The following PDPK1 variants were observed in gnomAD, a reference collection of about 807,000 sequenced individuals.
PDPK1 encodes 3-phosphoinositide-dependent protein kinase 1.
PDPK1 carries 7 observed loss-of-function variants against 39.8 expected under a neutral mutation model. The observed-to-expected ratio is 0.18, with a 90% CI of 0.10 to 0.33. The LOEUF is 0.33. Among genes scored for constraint, PDPK1 ranks in the 10% least tolerant of loss-of-function variants. The pLI is 1.00. For missense variants in PDPK1, 182 were observed against 384.7 expected, an observed-to-expected ratio of 0.47 and a Z score of 4.41; for synonymous variants, 118 against 159.1, an observed-to-expected ratio of 0.74 and a Z score of 1.95.
In PDPK1 at chr16:2,600,043, C is replaced by T. The variant is rs938755040; in HGVS notation, c.*2276C>T. ...AGCCCTTCTGTGGGTCACCTTTCTCCTCACCCAGCCCCTTGCTCTTCCCTT... is the reference window on the plus strand; with the variant it reads ...AGCCCTTCTGTGGGTCACCTTTCTCTTCACCCAGCCCCTTGCTCTTCCCTT... On this transcript the variant is annotated 3_prime_UTR_variant, in exon 14 of 14. Coordinates refer to ENST00000342085, the MANE Select transcript of PDPK1 (RefSeq NM_002613.5). The T allele has an allele frequency of 1.5e-4, 36 of 233,166 alleles. No individual in the cohort carries two copies. Among genetic ancestry groups the T allele is most frequent in the Non-Finnish European group, 2.6e-4 (31 of 118,260 alleles). The allele number at this position is 233,166 out of a possible 1,614,324, so 14.4% of individuals were successfully genotyped here.
chr16:2,590,417 C>T (rs1278557816), intron 11 of PDPK1, among the ~76,000 whole-genome samples: 1 of 152,220 alleles, frequency 6.6e-6, no homozygotes, highest in African/African-American at 2.4e-5. Flanking sequence ...AAACCAGTCT[C>T]GCTTCTGAGC....
intron 1 of PDPK1, among the ~76,000 whole-genome samples, chr16:2,545,794 G>A (rs578088767): frequency 6.6e-6 from 1 of 152,252 alleles, no homozygotes; most frequent in African/African-American, 2.4e-5. Context: ...GCCCAGCACT[G>A]GCTAATTATA....
chr16:2,593,455 C>T lies in PDPK1; in HGVS notation c.1344-2338C>T. 2 of 245,466 alleles carry T rather than the reference C, an allele frequency of 8.1e-6. No individual in the cohort carries two copies. The highest frequency in any genetic ancestry group is 4.3e-5 in the South Asian group (1 of 23,216). The allele number at this position is 245,466 out of a possible 1,614,324, so 15.2% of individuals were successfully genotyped here. Reference sequence around the variant, plus strand: ...GCTCCCACAGCTCAGTGCTGGGCTGCTGTTCTCGCTCTCAGCCAGGAAGGC... The same window carrying T: ...GCTCCCACAGCTCAGTGCTGGGCTGTTGTTCTCGCTCTCAGCCAGGAAGGC... On this transcript the variant is annotated intron_variant, in intron 11 of 13. Transcript: ENST00000342085. The surrounding 1 kb of genome is among the most constrained non-coding windows in gnomAD (Gnocchi z 4.2).
At chr16:2,542,555 A>G (rs1334048673) in intron 1 of PDPK1, among the ~76,000 whole-genome samples, 1 of 152,182 alleles carries the variant, frequency 6.6e-6, no homozygotes, top group Non-Finnish European at 1.5e-5. Flanking sequence ...GACAAGCCTG[A>G]CATTAGCAGC....
At chr16:2,595,752 T>A in intron 11 of PDPK1, 41 bp from the exon 12 acceptor site, 1 of 1,513,744 alleles carries the variant, frequency 6.6e-7, no homozygotes, top group Non-Finnish European at 9.2e-7. Flanking sequence ...TTTCTGTTTG[T>A]GATTGTCATG....
chr16:2,597,543 C>T lies in PDPK1; in HGVS notation c.1555-108C>T, dbSNP rs1301384870. 1.2e-6 allele frequency: 1 copy of T among 822,926 alleles called. No individual in the cohort carries two copies. Among genetic ancestry groups the T allele is most frequent in the Non-Finnish European group, 2.1e-6 (1 of 470,530 alleles). The allele number at this position is 822,926 out of a possible 1,614,324, so 51.0% of individuals were successfully genotyped here. A position where few individuals can be genotyped will look rare whatever the true frequency, so the allele number is the denominator to read the frequency against. ...TGCTTGTGTGAATAACCGTCACACC[C>T]ACGTGCTTTCAGGACTCGGAATGGC... On this transcript the variant is annotated intron_variant, in intron 13 of 13. Coordinates refer to ENST00000342085, the MANE Select transcript of PDPK1 (RefSeq NM_002613.5). This position sits in a 1 kb window ranked among gnomAD's most constrained non-coding sequence, Gnocchi z 6.3.
rs1428683846 is a variant in PDPK1 at position 2,589,714 on chromosome 16, A to AT, written c.1343+2821_1343+2822insT. Among the ~76,000 whole-genome samples, 113 of 151,254 alleles carry AT rather than the reference A, an allele frequency of 7.5e-4. 4 individuals carry two copies. The South Asian group carries it at 0.022, about 30-fold the overall frequency. On this transcript the variant is annotated intron_variant, in intron 11 of 13. Coordinates refer to ENST00000342085, the MANE Select transcript of PDPK1 (RefSeq NM_002613.5). ...AAAATTGGAAAAAAAAAAAAAAAAA[A>AT]GGTAAAAGGAATTTTTAAATTTACA... is the stretch of plus-strand genomic sequence containing the variant.
chr16:2,597,158 A>C lies in PDPK1; in HGVS notation c.1437A>C (p.Thr479=). The stretch of plus-strand genomic sequence containing the variant: ...CAAGACGACGACAGCTGTTGCTCAC[A>C]GAAGGACCACATTTATATTATGTGG... ...LFARRRQLLL[T]EGPHLYYVDP... is the part of the protein sequence containing the mutation. Residue 479 remains threonine (T), a synonymous_variant, in exon 13 of 14, where the codon ACA becomes ACC. Coordinates refer to ENST00000342085, the MANE Select transcript of PDPK1 (RefSeq NM_002613.5). This position sits in a 1 kb window ranked among gnomAD's most constrained non-coding sequence, Gnocchi z 6.3. 1 of 1,571,932 alleles carries C rather than the reference A, an allele frequency of 6.4e-7. No individual in the cohort carries two copies. Among genetic ancestry groups the C allele is most frequent in the South Asian group, 1.1e-5 (1 of 87,290 alleles).
chr16:2,577,744 T>A (rs1339007903), intron 7 of PDPK1, among the ~76,000 whole-genome samples: 1 of 148,782 alleles, frequency 6.7e-6, no homozygotes, highest in African/African-American at 2.5e-5. Flanking sequence ...TTTGTTTTTG[T>A]TTTTTTGTTT....
In PDPK1 at chr16:2,543,622, T is replaced by C. The variant is rs539533903; in HGVS notation, c.24+5486T>C. 7.1e-3 allele frequency among the ~76,000 whole-genome samples: 1,077 copies of C among 151,464 alleles called. 13 individuals carry two copies. The highest frequency in any genetic ancestry group is 0.025 in the African/African-American group (1,012 of 41,158). ...CTGCTGCCCTGTTCTCAGCAGTTCT[T>C]GTCTTCTTCAGGCTTTTCCTCCTTG... is the stretch of plus-strand genomic sequence containing the variant. On this transcript the variant is annotated intron_variant, in intron 1 of 13. Transcript: ENST00000342085.
chr16:2,563,289 G>GT lies in PDPK1; in HGVS notation c.466+1383dup, dbSNP rs1335099906. The GT allele has an allele frequency of 9.0e-5, 6 of 66,866 alleles. No individual in the cohort carries two copies. In the Admixed American group the frequency reaches 1.0e-3, roughly 12 times the overall value. 4.1% of individuals were successfully genotyped at this position (66,866 alleles called of 1,614,324 possible). ...CGAGGAGAGGAGATGGTGATGGGAT[G>GT]TTGCTCCCGAGCTCGAATGATGGAG... is the stretch of plus-strand genomic sequence containing the variant. On this transcript the variant is annotated intron_variant, in intron 4 of 13. Coordinates refer to ENST00000342085, the MANE Select transcript of PDPK1 (RefSeq NM_002613.5).
At chr16:2,550,099 TC>T (rs1329916761) in intron 1 of PDPK1, among the ~76,000 whole-genome samples, 1 of 143,138 alleles carries the variant, frequency 7.0e-6, no homozygotes, top group Non-Finnish European at 1.5e-5. Flanking sequence ...ATACTCAGTG[TC>T]CCCATCTGTA....
At chr16:2,596,980 T>G (rs1367100990) in intron 12 of PDPK1, 143 bp from the exon 13 acceptor site, 1 of 482,658 alleles carries the variant, frequency 2.1e-6, no homozygotes, top group East Asian at 3.2e-5. Flanking sequence ...GGGCAGGAAG[T>G]CCCCTGCCCC....
chr16:2,587,022 A>G (rs2066891207), intron 11 of PDPK1, 129 bp downstream of exon 11: 1 of 795,498 alleles, frequency 1.3e-6, no homozygotes, highest in Non-Finnish European at 2.1e-6. Context: ...CAAGGAGCAC[A>G]TCGTAAGTGC....
chr16:2,546,315 C>G (rs779332387), intron 1 of PDPK1, among the ~76,000 whole-genome samples: 1 of 151,270 alleles, frequency 6.6e-6, no homozygotes, highest in Admixed American at 6.6e-5. Flanking sequence ...AACTCCTGAC[C>G]TCGTGATCTA....
At chr16:2,559,418 C>T (rs888205825) in intron 2 of PDPK1, among the ~76,000 whole-genome samples, 6 of 145,980 alleles carry the variant, frequency 4.1e-5, no homozygotes, top group Non-Finnish European at 7.5e-5. Flanking sequence ...CACTTTGTTG[C>T]CCAGACTGGT....
At position 2,597,361 on chromosome 16, in the gene PDPK1, G is replaced by T; in HGVS notation, c.1554+86G>T. The T allele has an allele frequency of 8.3e-7, 1 of 1,200,694 alleles. No individual in the cohort carries two copies. The allele number at this position is 1,200,694 out of a possible 1,614,324, so 74.4% of individuals were successfully genotyped here. ...GAAGCAGCCACAGGCCTTGGCCAGA[G>T]GGAGCAGCGGGGATCGGGGCAGCTG... On this transcript the variant is annotated intron_variant, in intron 13 of 13. Coordinates refer to ENST00000342085, the MANE Select transcript of PDPK1 (RefSeq NM_002613.5). This position sits in a 1 kb window ranked among gnomAD's most constrained non-coding sequence, Gnocchi z 6.3.
chr16:2,538,855 A>G (rs2066188564), intron 1 of PDPK1: 15 of 969,082 alleles, frequency 1.5e-5, no homozygotes, highest in Non-Finnish European at 1.9e-5. Context: ...GTGTTTCTAT[A>G]TTTTCTCTCT....
chr16:2,592,176 G>A (rs1183543101), intron 11 of PDPK1, among the ~76,000 whole-genome samples: 1 of 152,200 alleles, frequency 6.6e-6, no homozygotes, highest in African/African-American at 2.4e-5. Context: ...GTCTGGGTGA[G>A]GGAGGGTGGA....
Sources: gnomAD v4.1 joint callset for allele counts (sites outside exome capture counted in the v4.1 genomes callset) on GRCh38, gnomAD v4.1.1 for gene constraint, Gnocchi (gnomAD v3.1) non-coding constraint, MANE v1.5 for transcripts, NCBI Gene and HGNC (gene_info 2026-07-23, HGNC 2026-07-21) for gene names.